PRELID2: variants seen among roughly 807,000 people sequenced by gnomAD.
The protein encoded by PRELID2 is PRELI domain containing 2.
PRELID2 carries 25 observed loss-of-function variants against 28.4 expected under a neutral mutation model. The ratio of observed to expected loss-of-function variants is 0.88; its 90% CI spans 0.64 to 1.23. The LOEUF (loss-of-function observed/expected upper bound fraction) is 1.23. PRELID2 is among the 50% of genes most tolerant of loss of function. The pLI, the probability that PRELID2 is intolerant of heterozygous loss-of-function variation, is 0.00. For synonymous variants in PRELID2, 76 were observed against 71.6 expected (o/e 1.06, Z -0.31); for missense variants, 201 against 214.4 (o/e 0.94, Z 0.39).
At chr5:145,261,792 C>G in the PRELID2 span, among the ~76,000 whole-genome samples, 2 of 152,026 alleles carry the variant, frequency 1.3e-5, no homozygotes, top group African/African-American at 4.8e-5. Context: ...TTTTAACACC[C>G]CCAAAAGATC....
chr5:145,817,934 C>T lies in PRELID2; in HGVS notation c.328G>A (p.Glu110Lys), dbSNP rs1561645110. 1.3e-6 allele frequency: 2 copies of T among 1,574,884 alleles called. No homozygotes were observed. The highest frequency in any genetic ancestry group is 2.4e-5 in the South Asian group (2 of 84,552). ...LTWTQYASMK[E>K]ESVFRESMEN... ...ATACTTTCCCGGAAGACAGACTCTT[C>T]CTTCATGGATGCATACTGTGTCCAC... The change falls in exon 4 of 7, where the codon GAA becomes AAA. Residue 110 changes from glutamate (E) to lysine (K), a missense_variant. Physicochemically the swap from Glu to Lys is moderately conservative, Grantham distance 56 (BLOSUM62 1). Transcript: ENST00000683046.
the PRELID2 span, among the ~76,000 whole-genome samples, chr5:145,249,129 G>A: frequency 1.3e-5 from 2 of 152,020 alleles, no homozygotes; most frequent in Non-Finnish European, 1.5e-5. Flanking sequence ...AAATTACAAA[G>A]CCACAAATTA....
the PRELID2 span, among the ~76,000 whole-genome samples, chr5:145,263,158 T>C: frequency 7.9e-5 from 12 of 152,006 alleles, no homozygotes; most frequent in Admixed American, 6.6e-4. Flanking sequence ...TATACATACA[T>C]CTAACACTAA....
At chr5:145,578,945 A>G (rs1036928492) in intron 1 of PRELID2, among the ~76,000 whole-genome samples, 1 of 152,082 alleles carries the variant, frequency 6.6e-6, no homozygotes, top group Admixed American at 6.6e-5. Context: ...TTGATCAATG[A>G]ATAAGATCTG....
chr5:145,345,060 T>C, the PRELID2 span, among the ~76,000 whole-genome samples: 1 of 152,144 alleles, frequency 6.6e-6, no homozygotes, highest in African/African-American at 2.4e-5. Flanking sequence ...ACATGTGGTT[T>C]CTGCCTATGA....
the PRELID2 span, among the ~76,000 whole-genome samples, chr5:145,336,449 T>C: frequency 6.6e-6 from 1 of 151,856 alleles, no homozygotes; most frequent in Non-Finnish European, 1.5e-5. Flanking sequence ...TTAATTTTTG[T>C]ATAAGGTGTA....
intron 1 of PRELID2, among the ~76,000 whole-genome samples, chr5:145,530,029 A>T (rs1160515333): frequency 6.6e-6 from 1 of 152,112 alleles, no homozygotes; most frequent in Non-Finnish European, 1.5e-5. Flanking sequence ...ATATTGCTTT[A>T]TGTCTCAGAT....
chr5:145,513,040 C>G (rs1334274679), intron 1 of PRELID2, among the ~76,000 whole-genome samples: 1 of 152,062 alleles, frequency 6.6e-6, no homozygotes, highest in African/African-American at 2.4e-5. Context: ...AAAAACAGCT[C>G]AGAAAGGCCA....
At chr5:145,493,403 C>A (rs1327450466) in intron 1 of PRELID2, among the ~76,000 whole-genome samples, 2 of 152,326 alleles carry the variant, frequency 1.3e-5, no homozygotes, top group Non-Finnish European at 2.9e-5. Flanking sequence ...AGACCACCAA[C>A]TAAACGTGAT....
chr5:145,443,455 C>T, the PRELID2 span, among the ~76,000 whole-genome samples: 2 of 152,004 alleles, frequency 1.3e-5, no homozygotes, highest in African/African-American at 4.8e-5. Context: ...TGATAGAACG[C>T]TCAATTGGCC....
intron 1 of PRELID2, among the ~76,000 whole-genome samples, chr5:145,600,434 A>AAAAAATATATATATAT (rs1315631607): frequency 4.2e-5 from 5 of 120,110 alleles, no homozygotes; most frequent in African/African-American, 2.0e-4. Flanking sequence ...AAAAAAAAAA[A>AAAAAATATATATATAT]ATATATATAT....
At chr5:145,694,203 T>C (rs1755208585) in intron 1 of PRELID2, among the ~76,000 whole-genome samples, 1 of 152,218 alleles carries the variant, frequency 6.6e-6, no homozygotes, top group Non-Finnish European at 1.5e-5. Context: ...TGGTTCTTGT[T>C]AACATTTACA....
At chr5:145,375,201 T>G in the PRELID2 span, among the ~76,000 whole-genome samples, 2 of 152,096 alleles carry the variant, frequency 1.3e-5, no homozygotes, top group Non-Finnish European at 2.9e-5. Flanking sequence ...TTCTGCTTGT[T>G]TGTTTTTCTT....
the PRELID2 span, among the ~76,000 whole-genome samples, chr5:145,253,793 A>G: frequency 3.2e-4 from 48 of 152,124 alleles, no homozygotes; most frequent in African/African-American, 1.2e-3. Flanking sequence ...CAAGCCAACT[A>G]AAGTGGTAAA....
chr5:145,371,059 A>C, the PRELID2 span, among the ~76,000 whole-genome samples: 1 of 152,208 alleles, frequency 6.6e-6, no homozygotes, highest in African/African-American at 2.4e-5. Context: ...TCATCTGCTA[A>C]CAGAGACAAT....
the PRELID2 span, among the ~76,000 whole-genome samples, chr5:145,407,569 T>C: frequency 6.6e-6 from 1 of 152,182 alleles, no homozygotes; most frequent in Non-Finnish European, 1.5e-5. Flanking sequence ...AGAAGCCCTA[T>C]GGCTCCACCC....
the PRELID2 span, among the ~76,000 whole-genome samples, chr5:145,440,451 C>A: frequency 6.6e-6 from 1 of 152,026 alleles, no homozygotes; most frequent in Non-Finnish European, 1.5e-5. Context: ...AGCCAATGTG[C>A]CTTTTAGGAG....
Position 145,796,660 on chromosome 5 carries a change from TTAA to T in PRELID2, c.369-116_369-114del, listed in dbSNP as rs1420556715. On this transcript the variant is annotated intron_variant, in intron 4 of 6. Coordinates refer to ENST00000683046, the MANE Select transcript of PRELID2 (RefSeq NM_205846.3). ...TTATAATCAATAAAAAATAATATCC[TTAA>T]TAATTCAATAACTACCTATTATAAG... 4 of 479,182 alleles carry T rather than the reference TTAA, an allele frequency of 8.3e-6. No individual in the cohort carries two copies. The East Asian group carries it at 1.4e-4, about 17-fold the overall frequency. 29.7% of individuals were successfully genotyped at this position (479,182 alleles called of 1,614,324 possible). A position where few individuals can be genotyped will look rare whatever the true frequency, so the allele number is the denominator to read the frequency against.
the PRELID2 span, among the ~76,000 whole-genome samples, chr5:145,340,770 C>CATATAT: frequency 9.9e-3 from 1,155 of 116,480 alleles, 21 homozygotes; most frequent in East Asian, 0.024. Flanking sequence ...TAAAAATATA[C>CATATAT]ATATATATAT....
Sources: gnomAD v4.1 joint callset for allele counts (sites outside exome capture counted in the v4.1 genomes callset) on GRCh38, gnomAD v4.1.1 for gene constraint, MANE v1.5 for transcripts, NCBI Gene and HGNC (gene_info 2026-07-23, HGNC 2026-07-21) for gene names.